Variants in TMTC1 observed in about 807,000 individuals in gnomAD.
TMTC1 encodes the protein transmembrane O-mannosyltransferase targeting cadherins 1.
TMTC1 carries 73 observed loss-of-function variants against 104.8 expected under a neutral mutation model. That is an observed-to-expected ratio of 0.70 (90% CI 0.58 to 0.85). The LOEUF is 0.85. Ranked by LOEUF, TMTC1 falls within the 40% of genes least tolerant of loss-of-function variation. The pLI is 0.00. For missense variants in TMTC1, 1,035 were observed against 1,096.1 expected (o/e 0.94, Z 0.79); for synonymous variants, 434 against 428.7 (o/e 1.01, Z -0.15).
chr12:29,722,997 T>C (rs1479366703), intron 5 of TMTC1, among the ~76,000 whole-genome samples: 4 of 149,834 alleles, frequency 2.7e-5, no homozygotes, highest in African/African-American at 7.3e-5. Flanking sequence ...AATAAAAAAA[T>C]TAAGACACAA....
At chr12:29,669,248 G>T (rs1940409323) in intron 5 of TMTC1, among the ~76,000 whole-genome samples, 1 of 152,202 alleles carries the variant, frequency 6.6e-6, no homozygotes, top group African/African-American at 2.4e-5. Flanking sequence ...AGTCCATATG[G>T]CTGGAAGATC....
At chr12:29,728,049 A>G (rs1201470800) in intron 5 of TMTC1, among the ~76,000 whole-genome samples, 4 of 152,230 alleles carry the variant, frequency 2.6e-5, no homozygotes, top group Admixed American at 2.0e-4. Context: ...CCCCTTTCGA[A>G]AAAGTAGGAG....
At chr12:29,643,211 C>G (rs1938944272) in intron 5 of TMTC1, among the ~76,000 whole-genome samples, 1 of 151,698 alleles carries the variant, frequency 6.6e-6, no homozygotes. Context: ...TAAACTAGTA[C>G]AGCCACTATG....
intron 9 of TMTC1, among the ~76,000 whole-genome samples, chr12:29,570,881 A>ACTC (rs1945652278): frequency 3.2e-5 from 1 of 31,310 alleles, no homozygotes; most frequent in Non-Finnish European, 8.0e-5. Context: ...AAACAGAAAC[A>ACTC]CCCCCCCCCC....
chr12:29,730,044 G>C (rs1371120570), intron 5 of TMTC1, among the ~76,000 whole-genome samples: 3 of 152,192 alleles, frequency 2.0e-5, no homozygotes, highest in Admixed American at 6.5e-5. Flanking sequence ...GAGAACAAGG[G>C]ATGGGGGGAA....
intron 8 of TMTC1, among the ~76,000 whole-genome samples, chr12:29,576,624 T>C (rs1193356669): frequency 6.6e-6 from 1 of 152,086 alleles, no homozygotes; most frequent in Non-Finnish European, 1.5e-5. Flanking sequence ...TTAGTAGGTG[T>C]GGCAAGGAGA....
chr12:29,741,938 C>T (rs141421769), intron 5 of TMTC1, among the ~76,000 whole-genome samples: 1 of 152,236 alleles, frequency 6.6e-6, no homozygotes, highest in East Asian at 1.9e-4. Flanking sequence ...CATGACAAGC[C>T]AAACTGAAGT....
intron 7 of TMTC1, among the ~76,000 whole-genome samples, chr12:29,600,283 T>C (rs1403404643): frequency 6.6e-6 from 1 of 152,022 alleles, no homozygotes; most frequent in East Asian, 1.9e-4. Flanking sequence ...AACTCTTAGC[T>C]CAACTGTTTG....
chr12:29,532,915 C>T (rs1419064845), intron 11 of TMTC1: 1 of 152,002 alleles, frequency 6.6e-6, no homozygotes, highest in Non-Finnish European at 1.5e-5. Context: ...TTCTATTTTT[C>T]TTTTCCATTC....
At chr12:29,684,198 T>A (rs1420236491) in intron 5 of TMTC1, among the ~76,000 whole-genome samples, 1 of 152,024 alleles carries the variant, frequency 6.6e-6, no homozygotes, top group Non-Finnish European at 1.5e-5. Context: ...AACAGGAGGT[T>A]AAAAAAAATT....
At chr12:29,520,522 G>T in intron 12 of TMTC1, 96 bp downstream of exon 12, 2 of 1,060,054 alleles carry the variant, frequency 1.9e-6, no homozygotes, top group Admixed American at 4.2e-5. Context: ...GCCAAGCCCA[G>T]TGAATTTTAC....
intron 3 of TMTC1, among the ~76,000 whole-genome samples, chr12:29,757,960 G>C (rs1433236910): frequency 1.3e-5 from 2 of 152,092 alleles, no homozygotes; most frequent in Non-Finnish European, 1.5e-5. Flanking sequence ...GGAAATTGTG[G>C]GAGTTACAAT....
intron 6 of TMTC1, among the ~76,000 whole-genome samples, chr12:29,616,669 C>CAAAAA (rs71045821): frequency 5.0e-5 from 4 of 79,802 alleles, no homozygotes; most frequent in Admixed American, 1.5e-4. Flanking sequence ...AACTTGGTCT[C>CAAAAA]AAAAAAAAAA....
intron 8 of TMTC1, among the ~76,000 whole-genome samples, chr12:29,573,723 C>T (rs943253869): frequency 1.3e-4 from 20 of 152,144 alleles, no homozygotes; most frequent in African/African-American, 4.8e-4. Context: ...GAAAACAGAG[C>T]ATGGGGCTTT....
chr12:29,682,225 C>T (rs1940942020), intron 5 of TMTC1, among the ~76,000 whole-genome samples: 1 of 152,108 alleles, frequency 6.6e-6, no homozygotes, highest in Non-Finnish European at 1.5e-5. Context: ...CCTACTAGAA[C>T]AGCTAAAATG....
chr12:29,660,695 A>C, intron 5 of TMTC1: 1 of 327,722 alleles, frequency 3.1e-6, no homozygotes, highest in Admixed American at 5.0e-5. Flanking sequence ...GTTAGAGTCT[A>C]TTGCTGATTC....
chr12:29,521,058 A>C, intron 11 of TMTC1: 1 of 181,280 alleles, frequency 5.5e-6, no homozygotes, highest in Admixed American at 6.1e-5. Context: ...GATGCCCTTC[A>C]CCCCGGTGAC....
intron 5 of TMTC1, among the ~76,000 whole-genome samples, chr12:29,696,679 G>C (rs1360970167): frequency 6.6e-6 from 1 of 152,070 alleles, no homozygotes; most frequent in Non-Finnish European, 1.5e-5. Context: ...GAATTAATAT[G>C]GTTATGTTTT....
intron 15 of TMTC1, among the ~76,000 whole-genome samples, chr12:29,515,753 C>CTTT (rs59185698): frequency 4.3e-5 from 6 of 138,444 alleles, no homozygotes; most frequent in Admixed American, 7.2e-5. Flanking sequence ...AGGGCAGTGA[C>CTTT]TTTTTTTTTT....
Sources: gnomAD v4.1 joint callset for allele counts (sites outside exome capture counted in the v4.1 genomes callset) on GRCh38, gnomAD v4.1.1 for gene constraint, MANE v1.5 for transcripts, NCBI Gene and HGNC (gene_info 2026-07-23, HGNC 2026-07-21) for gene names.